The following AP2A2 variants were observed in gnomAD, a reference collection of about 807,000 sequenced individuals.
The protein encoded by AP2A2 is AP-2 complex subunit alpha-2.
A neutral mutation model predicts 104.2 loss-of-function variants in AP2A2; 32 were observed. That is an observed-to-expected ratio of 0.31 (90% CI 0.23 to 0.41). AP2A2 has a LOEUF of 0.41. Among genes scored for constraint, AP2A2 ranks in the 10% least tolerant of loss-of-function variants. AP2A2 has a pLI of 1.00. For synonymous variants in AP2A2, 539 were observed against 533.3 expected (o/e 1.01, Z -0.15); for missense variants, 912 against 1,261.0 (o/e 0.72, Z 4.19).
Position 994,338 on chromosome 11 carries a change from T to G in AP2A2, c.1956+93T>G, listed in dbSNP as rs1457516785. ...AGCATTTGCCTGTCAGGGAGGAGCA[T>G]GTACTGAGAACCCAGGCTCTGGCTG... On this transcript the variant is annotated intron_variant, in intron 14 of 21. Transcript: ENST00000448903. The G allele has an allele frequency of 9.4e-6, 14 of 1,496,188 alleles. No individual in the cohort carries two copies. The Admixed American group carries it at 2.3e-4, about 24-fold the overall frequency. The allele number at this position is 1,496,188 out of a possible 1,614,324, so 92.7% of individuals were successfully genotyped here.
Position 1,010,857 on chromosome 11 carries a change from G to A in AP2A2, c.*232G>A. ...AGCCACGGCAGAAGGTGGATCTTGGGATCAATTTTTATAAAAATCGAGACA... is the reference window on the plus strand; with the variant it reads ...AGCCACGGCAGAAGGTGGATCTTGGAATCAATTTTTATAAAAATCGAGACA... On this transcript the variant is annotated 3_prime_UTR_variant, in exon 22 of 22. Coordinates refer to ENST00000448903, the MANE Select transcript of AP2A2 (RefSeq NM_012305.4). The A allele has an allele frequency of 3.2e-6, 2 of 632,314 alleles. No homozygotes were observed. The highest frequency in any genetic ancestry group is 3.7e-5 in the South Asian group (2 of 54,092). 39.2% of individuals were successfully genotyped at this position (632,314 alleles called of 1,614,324 possible). A position where few individuals can be genotyped will look rare whatever the true frequency, so the allele number is the denominator to read the frequency against.
chr11:954,593 G>A (rs969783108), intron 1 of AP2A2, among the ~76,000 whole-genome samples: 1 of 152,078 alleles, frequency 6.6e-6, no homozygotes, highest in African/African-American at 2.4e-5. Flanking sequence ...TGTGTGGCGT[G>A]TACATTTGTG....
chr11:1,005,941 T>G (rs964014245), intron 16 of AP2A2, among the ~76,000 whole-genome samples: 10 of 152,256 alleles, frequency 6.6e-5, no homozygotes, highest in Admixed American at 5.9e-4. Flanking sequence ...ACAAAGATTT[T>G]TTACTGTGAT....
At chr11:994,721 G>A (rs1855791661) in intron 14 of AP2A2, among the ~76,000 whole-genome samples, 1 of 144,978 alleles carries the variant, frequency 6.9e-6, no homozygotes, top group South Asian at 2.2e-4. Context: ...TCCTGTCCCG[G>A]GGGCCACTGT....
Position 1,003,702 on chromosome 11 carries a change from T to C in AP2A2, c.2124-20T>C, listed in dbSNP as rs776675558. On this transcript the variant is annotated intron_variant, in intron 15 of 21. Coordinates refer to ENST00000448903, the MANE Select transcript of AP2A2 (RefSeq NM_012305.4). ...TGCAGGTGGCTTTGAGTGACACATA[T>C]ACTGTCCCTTTTCCCCTAGGTTTGT... The C allele has an allele frequency of 5.1e-6, 8 of 1,571,808 alleles. No individual in the cohort carries two copies. Among genetic ancestry groups the C allele is most frequent in the Admixed American group, 3.6e-5 (2 of 55,890 alleles).
intron 9 of AP2A2, among the ~76,000 whole-genome samples, chr11:988,302 C>T (rs1020967514): frequency 7.2e-5 from 11 of 152,324 alleles, no homozygotes; most frequent in Middle Eastern, 6.8e-3. Flanking sequence ...GACGAGCGGG[C>T]AGAATCCAGG....
chr11:961,691 G>A (rs1443000797), intron 2 of AP2A2, among the ~76,000 whole-genome samples: 16 of 119,208 alleles, frequency 1.3e-4, no homozygotes, highest in East Asian at 2.6e-4. Flanking sequence ...GACAGTCGCC[G>A]CCACCAGTGA....
intron 1 of AP2A2, 41 bp downstream of exon 1, chr11:926,129 C>G (rs953221633): frequency 3.3e-6 from 4 of 1,207,992 alleles, no homozygotes; most frequent in African/African-American, 1.6e-5. Context: ...CCGGGGCCGC[C>G]GGCGGAGACG....
chr11:958,196 G>A (rs1003257566), intron 1 of AP2A2, among the ~76,000 whole-genome samples: 2 of 152,236 alleles, frequency 1.3e-5, no homozygotes, highest in Non-Finnish European at 2.9e-5. Flanking sequence ...ATAAGCATGC[G>A]TCAAAGAAAG....
In AP2A2 at chr11:993,891, G is replaced by T. The variant is rs530153811; in HGVS notation, c.1688G>T (p.Arg563Leu). 1 of 1,610,756 alleles carries T rather than the reference G, an allele frequency of 6.2e-7. No homozygotes were observed. Among genetic ancestry groups the T allele is most frequent in the Admixed American group, 1.7e-5 (1 of 59,928 alleles). Residue 563 changes from arginine to leucine, a missense_variant, in exon 13 of 22, where the codon CGC becomes CTC. Arg to Leu is a moderately radical substitution (Grantham distance 102). This residue lies in a region of AP2A2 where 137 missense variants were observed against 186.9 expected (regional missense o/e 0.73). Transcript: ENST00000448903. The surrounding 1 kb of genome is among the most constrained non-coding windows in gnomAD (Gnocchi z 8.2). The stretch of plus-strand genomic sequence containing the variant: ...AAGCCCACCATCCAGGACGTGCTGC[G>T]CAGCGACAGCCAGCTCAGGAACGCA... ...EVKPTIQDVL[R>L]SDSQLRNADV...
rs759212769 is a variant in AP2A2, at chr11:985,428, C to T, written c.815-7C>T. 6.2e-7 allele frequency: 1 copy of T among 1,613,406 alleles called. No homozygotes were observed. ...ACTGGTGAGCACCGTTCTGTCTTGC[C>T]CAGAAGACCCTGCAGTGCGAGGCCG... On this transcript the variant is annotated splice_region_variant and splice_polypyrimidine_tract_variant and intron_variant, in intron 7 of 21. Coordinates refer to ENST00000448903, the MANE Select transcript of AP2A2 (RefSeq NM_012305.4).
intron 16 of AP2A2, 96 bp from the exon 17 acceptor site, chr11:1,006,432 C>A: frequency 1.1e-6 from 1 of 871,366 alleles, no homozygotes; most frequent in Non-Finnish European, 1.8e-6. Flanking sequence ...AACTTAAATT[C>A]AGCTGAAGAT....
chr11:958,449 A>G (rs1046324072), intron 1 of AP2A2, among the ~76,000 whole-genome samples: 3 of 152,208 alleles, frequency 2.0e-5, no homozygotes, highest in African/African-American at 4.8e-5. Flanking sequence ...ATTGCTTTCA[A>G]ATGAGACACA....
At position 1,004,065 on chromosome 11, in the gene AP2A2, A is replaced by G. The variant is rs192898534; in HGVS notation, c.2206+261A>G. ...AGTTGTTGAAAAGACGACATTCTCC[A>G]GGGAAAATACAGGAATGCTCAATAA... is the stretch of plus-strand genomic sequence containing the variant. On this transcript the variant is annotated intron_variant, in intron 16 of 21. Coordinates refer to ENST00000448903, the MANE Select transcript of AP2A2 (RefSeq NM_012305.4). Among the ~76,000 whole-genome samples the G allele has an allele frequency of 3.9e-5, 6 of 152,242 alleles. No individual in the cohort carries two copies. In the East Asian group the frequency reaches 1.2e-3, roughly 29 times the overall value.
chr11:1,010,399 T>C (rs929835243), intron 21 of AP2A2, 149 bp from the exon 22 acceptor site: 2 of 629,172 alleles, frequency 3.2e-6, no homozygotes, highest in Non-Finnish European at 5.6e-6. Flanking sequence ...GCTGACAGTG[T>C]GTGTGGTGCT....
intron 1 of AP2A2, among the ~76,000 whole-genome samples, chr11:950,548 A>G (rs886553410): frequency 6.6e-6 from 1 of 151,988 alleles, no homozygotes; most frequent in Non-Finnish European, 1.5e-5. Context: ...CGGCTTCCCA[A>G]AGTGCTGGGA....
At chr11:976,063 G>A (rs1408902324) in intron 4 of AP2A2, among the ~76,000 whole-genome samples, 2 of 152,212 alleles carry the variant, frequency 1.3e-5, no homozygotes, top group Admixed American at 6.5e-5. Flanking sequence ...CCAGTCATGG[G>A]GTCCTGAAGC....
chr11:981,976 G>A (rs959299687), intron 6 of AP2A2, among the ~76,000 whole-genome samples: 3 of 152,278 alleles, frequency 2.0e-5, no homozygotes, highest in African/African-American at 7.2e-5. Context: ...AGCAGGAGGC[G>A]CGGGCGCGGC....
intron 15 of AP2A2, 85 bp downstream of exon 15, chr11:1,000,683 A>G: frequency 7.2e-7 from 1 of 1,398,374 alleles, no homozygotes; most frequent in Admixed American, 2.4e-5. Context: ...AGCTGGACAG[A>G]GGTGGGCAGC....
Sources: allele counts gnomAD v4.1 joint callset (sites outside exome capture counted in the v4.1 genomes callset), GRCh38; gene constraint gnomAD v4.1.1; regional missense constraint gnomAD v4.1.1; non-coding constraint Gnocchi (gnomAD v3.1); transcripts MANE v1.5; gene names NCBI Gene and HGNC (gene_info 2026-07-23, HGNC 2026-07-21).